SGK2: variants seen among roughly 807,000 people sequenced by gnomAD.
The protein encoded by SGK2 is serine/threonine-protein kinase Sgk2.
SGK2 carries 36 observed loss-of-function variants against 47.5 expected under a neutral mutation model. That is an observed-to-expected ratio of 0.76 (90% CI 0.58 to 1.00). The LOEUF (loss-of-function observed/expected upper bound fraction) is 1.00. Ranked by LOEUF, SGK2 falls within the 50% of genes least tolerant of loss-of-function variation. SGK2 has a pLI of 0.00. For synonymous variants in SGK2, 157 were observed against 181.9 expected, an observed-to-expected ratio of 0.86 and a Z score of 1.10; for missense variants, 404 against 467.4, an observed-to-expected ratio of 0.86 and a Z score of 1.25.
intron 8 of SGK2, among the ~76,000 whole-genome samples, 154 bp downstream of exon 8, chr20:43,571,214 C>A (rs1490220612): frequency 6.6e-6 from 1 of 152,038 alleles, no homozygotes; most frequent in African/African-American, 2.4e-5. Context: ...GTGTGTGTGC[C>A]CATGCACATG....
At chr20:43,567,869 G>A (rs1484632988) in intron 4 of SGK2, 47 bp from the exon 5 acceptor site, 1 of 1,591,946 alleles carries the variant, frequency 6.3e-7, no homozygotes, top group South Asian at 1.1e-5. Flanking sequence ...CTGCTGTTGG[G>A]AAGTCCAAAG....
Position 43,585,167 on chromosome 20 carries a change from T to C in SGK2, c.*151T>C, listed in dbSNP as rs112095457. The C allele has an allele frequency of 1.5e-6, 1 of 688,942 alleles. No homozygotes were observed. Among genetic ancestry groups the C allele is most frequent in the Non-Finnish European group, 2.3e-6 (1 of 429,468 alleles). 42.7% of individuals were successfully genotyped at this position (688,942 alleles called of 1,614,324 possible). A position where few individuals can be genotyped will look rare whatever the true frequency, so the allele number is the denominator to read the frequency against. On this transcript the variant is annotated 3_prime_UTR_variant, in exon 13 of 13. Coordinates refer to ENST00000373100, the MANE Select transcript of SGK2 (RefSeq NM_170693.3). ...ATAAAAGAAAAATAATGTTTCGGAG[T>C]CCAGGACTGGCAGGACAGGTCATCA...
At chr20:43,578,587 A>C (rs970463541) in intron 11 of SGK2, among the ~76,000 whole-genome samples, 3 of 152,188 alleles carry the variant, frequency 2.0e-5, no homozygotes, top group Non-Finnish European at 2.9e-5. Flanking sequence ...CATGTTGCTT[A>C]ATTTCTGTGA....
chr20:43,567,844 G>A, intron 4 of SGK2, 72 bp from the exon 5 acceptor site: 1 of 1,556,356 alleles, frequency 6.4e-7, no homozygotes, highest in East Asian at 2.2e-5. Context: ...GCAGGGGCAG[G>A]CGGGAGGCCT....
chr20:43,581,419 T>G (rs909617568), intron 12 of SGK2, among the ~76,000 whole-genome samples: 2 of 152,244 alleles, frequency 1.3e-5, no homozygotes, highest in Non-Finnish European at 2.9e-5. Flanking sequence ...CTATGTTTTT[T>G]CTTTATCATG....
intron 12 of SGK2, among the ~76,000 whole-genome samples, chr20:43,581,673 C>T (rs1980806774): frequency 6.6e-6 from 1 of 152,192 alleles, no homozygotes; most frequent in African/African-American, 2.4e-5. Flanking sequence ...TGATTATAGG[C>T]ATGCGCCACC....
intron 8 of SGK2, 25 bp downstream of exon 8, chr20:43,571,085 G>GTGTGTGTGTGTGTA (rs1980095488): frequency 6.2e-7 from 1 of 1,609,248 alleles, no homozygotes; most frequent in African/African-American, 1.3e-5. Flanking sequence ...GTGTGTGTGT[G>GTGTGTGTGTGTGTA]TGTGTGTGTG....
In SGK2 at chr20:43,562,079, G is replaced by A. The variant is rs528963710; in HGVS notation, c.-24+2920G>A. On this transcript the variant is annotated intron_variant, in intron 1 of 12. Coordinates refer to ENST00000373100, the MANE Select transcript of SGK2 (RefSeq NM_170693.3). Reference sequence around the variant, plus strand: ...AGGGAGGAGCAGACTGGGGCAGAGTGGAAGGAATATGAGTCAAGACCTTTG... The same window carrying A: ...AGGGAGGAGCAGACTGGGGCAGAGTAGAAGGAATATGAGTCAAGACCTTTG... 2.1e-3 allele frequency among the ~76,000 whole-genome samples: 319 copies of A among 152,158 alleles called. 3 individuals carry two copies. Among genetic ancestry groups the A allele is most frequent in the Non-Finnish European group, 2.6e-3 (178 of 68,024 alleles).
Position 43,576,216 on chromosome 20 carries a change from C to T in SGK2, c.694-8C>T. On this transcript the variant is annotated splice_polypyrimidine_tract_variant and splice_region_variant and intron_variant, in intron 10 of 12. Coordinates refer to ENST00000373100, the MANE Select transcript of SGK2 (RefSeq NM_170693.3). ...GTGATCCTCCAGCTGTTCTCCCTCT[C>T]TCCCCAGCCGCCCTTCTACAGCCAA... 1 of 1,613,654 alleles carries T rather than the reference C, an allele frequency of 6.2e-7. No homozygotes were observed. Among genetic ancestry groups the T allele is most frequent in the Non-Finnish European group, 8.5e-7 (1 of 1,179,614 alleles).
At chr20:43,569,853 C>T (rs1321598835) in intron 6 of SGK2, among the ~76,000 whole-genome samples, 1 of 152,152 alleles carries the variant, frequency 6.6e-6, no homozygotes, top group Non-Finnish European at 1.5e-5. Flanking sequence ...CTAGTGCTCC[C>T]ATAGGCCACA....
intron 12 of SGK2, chr20:43,583,231 A>G (rs1374631033): frequency 7.8e-7 from 1 of 1,289,688 alleles, no homozygotes; most frequent in Non-Finnish European, 1.0e-6. Context: ...TTGGGATTTT[A>G]AAAAGACAGT....
At chr20:43,563,531 A>C (rs951355034) in intron 1 of SGK2, among the ~76,000 whole-genome samples, 8 of 152,224 alleles carry the variant, frequency 5.3e-5, no homozygotes, top group Non-Finnish European at 1.0e-4. Flanking sequence ...GAGAACAGGA[A>C]GAGGACTGGA....
intron 1 of SGK2, among the ~76,000 whole-genome samples, chr20:43,563,934 C>T (rs1307590692): frequency 6.6e-6 from 1 of 152,222 alleles, no homozygotes; most frequent in African/African-American, 2.4e-5. Context: ...CCACAGAGAA[C>T]CCCTGAGGCC....
intron 12 of SGK2, chr20:43,583,307 G>A (rs766639587): frequency 2.0e-5 from 26 of 1,289,078 alleles, no homozygotes; most frequent in Non-Finnish European, 2.3e-5. Context: ...AGAGATGAAT[G>A]GACTTTAGAA....
chr20:43,563,071 G>T (rs962192310), intron 1 of SGK2, among the ~76,000 whole-genome samples: 2 of 149,424 alleles, frequency 1.3e-5, no homozygotes, highest in African/African-American at 2.5e-5. Flanking sequence ...GGGAGGCAGA[G>T]GTTGCAATGA....
At chr20:43,564,197 G>T (rs116144220) in intron 1 of SGK2, among the ~76,000 whole-genome samples, 5 of 152,226 alleles carry the variant, frequency 3.3e-5, no homozygotes, top group Admixed American at 6.5e-5. Flanking sequence ...CGTTTCTTAC[G>T]CAGCAGGAGA....
chr20:43,570,860 C>A, intron 7 of SGK2, 131 bp downstream of exon 7: 1 of 1,291,326 alleles, frequency 7.7e-7, no homozygotes, highest in Non-Finnish European at 1.1e-6. Flanking sequence ...GTTGGAGTCT[C>A]CTCCTCCGAG....
intron 10 of SGK2, among the ~76,000 whole-genome samples, chr20:43,575,811 A>G (rs1193053458): frequency 6.6e-6 from 1 of 152,174 alleles, no homozygotes; most frequent in Non-Finnish European, 1.5e-5. Context: ...AAGAAAGAGA[A>G]GGGGACCCTG....
Position 43,567,991 on chromosome 20 carries a change from A to T in SGK2, c.220A>T (p.Lys74Ter). The T allele has an allele frequency of 6.2e-7, 1 of 1,613,940 alleles. No individual in the cohort carries two copies. Among genetic ancestry groups the T allele is most frequent in the African/African-American group, 1.3e-5 (1 of 75,036 alleles). Residue 74 changes from lysine (K) to a stop codon, truncating the protein, a stop_gained, in exon 5 of 13, where the codon AAG becomes TAG. Coordinates refer to ENST00000373100, the MANE Select transcript of SGK2 (RefSeq NM_170693.3). LOFTEE classifies it high-confidence loss of function. The part of the protein sequence containing the change: ...KVLQKKSILK[K>*]KEQSHIMAER... ...ACTACAGAAAAAGTCCATCTTAAAG[A>T]AGAAAGAGGTACCAGAGCTCGGGCA...
Sources: allele counts gnomAD v4.1 joint callset (sites outside exome capture counted in the v4.1 genomes callset), GRCh38; gene constraint gnomAD v4.1.1; transcripts MANE v1.5; gene names NCBI Gene and HGNC (gene_info 2026-07-23, HGNC 2026-07-21).